The following FARS2 variants were observed in gnomAD, a reference collection of about 807,000 sequenced individuals.
FARS2 encodes the protein phenylalanyl-tRNA synthetase 2, mitochondrial, also known as phenylalanine--tRNA ligase, mitochondrial.
In FARS2, 40 loss-of-function variants were observed where a neutral mutation model predicts 46.4. The observed-to-expected ratio is 0.86, with a 90% CI of 0.67 to 1.12. The LOEUF is 1.12. Ranked by LOEUF, FARS2 falls within the 50% of genes most tolerant of loss-of-function variation. The pLI is 0.00. For synonymous variants in FARS2, 234 were observed against 214.9 expected (o/e 1.09, Z -0.78); for missense variants, 513 against 567.9 (o/e 0.90, Z 0.98).
intron 4 of FARS2, chr6:5,466,912 C>G (rs1765546246): frequency 1.0e-6 from 1 of 985,302 alleles, no homozygotes; most frequent in Non-Finnish European, 1.2e-6. Context: ...GCACCTCGGC[C>G]TTATGCTGCA....
At chr6:5,270,889 C>G (rs923196507) in intron 1 of FARS2, among the ~76,000 whole-genome samples, 3 of 152,218 alleles carry the variant, frequency 2.0e-5, no homozygotes. Flanking sequence ...GAGTGCCCTT[C>G]CTTCCCTTGC....
chr6:5,324,287 C>T (rs966564114), intron 1 of FARS2, among the ~76,000 whole-genome samples: 13 of 152,078 alleles, frequency 8.5e-5, no homozygotes, highest in African/African-American at 3.1e-4. Context: ...ATGCATTTCA[C>T]CTGCTTGAAA....
intron 4 of FARS2, among the ~76,000 whole-genome samples, chr6:5,474,512 C>T (rs1765996682): frequency 6.6e-6 from 1 of 152,170 alleles, no homozygotes; most frequent in Non-Finnish European, 1.5e-5. Context: ...GCCTACTACA[C>T]ACCTAGGCTG....
intron 6 of FARS2, among the ~76,000 whole-genome samples, chr6:5,686,684 A>G (rs1757254474): frequency 6.6e-6 from 1 of 152,180 alleles, no homozygotes; most frequent in South Asian, 2.1e-4. Flanking sequence ...TGTCTTTATA[A>G]CAGCATGTTT....
rs2127878590 is a variant in FARS2, at chr6:5,286,113, C to A, written c.-22+24453C>A. On this transcript the variant is annotated intron_variant, in intron 1 of 6. Coordinates refer to ENST00000274680, the MANE Select transcript of FARS2 (RefSeq NM_006567.5). The stretch of plus-strand genomic sequence containing the variant: ...TACTTGATTTCCAGACACTTTAATT[C>A]ATAGGCTTGCATTTAGTACACTCTA... Among the ~76,000 whole-genome samples, 2 of 152,242 alleles carry A rather than the reference C, an allele frequency of 1.3e-5. 1 individual carries two copies. The highest frequency in any genetic ancestry group is 6.8e-3 in the Middle Eastern group (2 of 294).
At chr6:5,442,546 T>C (rs184188610) in intron 4 of FARS2, among the ~76,000 whole-genome samples, 163 of 152,316 alleles carry the variant, frequency 1.1e-3, no homozygotes, top group African/African-American at 3.8e-3. Context: ...ATAACCCTTT[T>C]GCTTGTCATG....
At chr6:5,265,539 C>T (rs570872730) in intron 1 of FARS2, among the ~76,000 whole-genome samples, 20 of 152,176 alleles carry the variant, frequency 1.3e-4, no homozygotes, top group Non-Finnish European at 2.6e-4. Flanking sequence ...CAAATCATGA[C>T]TTTGAATCCT....
At chr6:5,487,980 T>C (rs1017818136) in intron 4 of FARS2, among the ~76,000 whole-genome samples, 1 of 152,220 alleles carries the variant, frequency 6.6e-6, no homozygotes, top group Non-Finnish European at 1.5e-5. Flanking sequence ...CTCTGGGGCT[T>C]ATTCTGGAGA....
At chr6:5,314,727 G>A (rs1360038871) in intron 1 of FARS2, among the ~76,000 whole-genome samples, 1 of 152,166 alleles carries the variant, frequency 6.6e-6, no homozygotes, top group South Asian at 2.1e-4. Flanking sequence ...GGTCCTCGTC[G>A]ATATGGGGTT....
intron 6 of FARS2, among the ~76,000 whole-genome samples, chr6:5,756,516 G>A (rs539096213): frequency 6.6e-6 from 1 of 152,256 alleles, no homozygotes; most frequent in South Asian, 2.1e-4. Flanking sequence ...GAGAGAGCGA[G>A]GGGGAAGCAC....
At chr6:5,491,701 T>C (rs376553822) in intron 4 of FARS2, among the ~76,000 whole-genome samples, 4 of 152,352 alleles carry the variant, frequency 2.6e-5, no homozygotes, top group East Asian at 3.9e-4. Context: ...TTATAGTCAT[T>C]GCTAATTTTT....
At chr6:5,383,680 TTGTG>T (rs1383079771) in intron 2 of FARS2, among the ~76,000 whole-genome samples, 2 of 152,198 alleles carry the variant, frequency 1.3e-5, no homozygotes, top group Non-Finnish European at 1.5e-5. Flanking sequence ...TCTCCTCCTT[TTGTG>T]TTAAGTGTTG....
chr6:5,702,504 A>C lies in FARS2; in HGVS notation c.1218-68787A>C, dbSNP rs1258731553. Reference sequence around the variant, plus strand: ...TCTTGGATAATTAAAATGTTTTTCTAATGGGTTGTAATCCATAATGTTTCT... The same window carrying C: ...TCTTGGATAATTAAAATGTTTTTCTCATGGGTTGTAATCCATAATGTTTCT... On this transcript the variant is annotated intron_variant, in intron 6 of 6. Coordinates refer to ENST00000274680, the MANE Select transcript of FARS2 (RefSeq NM_006567.5). Among the ~76,000 whole-genome samples, 3 of 152,340 alleles carry C rather than the reference A, an allele frequency of 2.0e-5. No individual in the cohort carries two copies. The East Asian group carries it at 5.8e-4, about 29-fold the overall frequency.
Position 5,432,464 on chromosome 6 carries a change from A to T in FARS2, c.904+1292A>T, listed in dbSNP as rs1187806211. 2.5e-3 allele frequency among the ~76,000 whole-genome samples: 319 copies of T among 127,880 alleles called. 4 individuals are homozygous for T. Among genetic ancestry groups the T allele is most frequent in the African/African-American group, 9.3e-3 (311 of 33,562 alleles). 83.9% of individuals were successfully genotyped at this position (127,880 alleles called of 152,430 possible). ...ATATATAAAATATATATTATATATTATATATATTTTTTATATATAATATAT... is the reference window on the plus strand; with the variant it reads ...ATATATAAAATATATATTATATATTTTATATATTTTTTATATATAATATAT... On this transcript the variant is annotated intron_variant, in intron 4 of 6. Coordinates refer to ENST00000274680, the MANE Select transcript of FARS2 (RefSeq NM_006567.5).
intron 1 of FARS2, among the ~76,000 whole-genome samples, chr6:5,356,770 C>T (rs976306791): frequency 2.6e-5 from 4 of 152,222 alleles, no homozygotes; most frequent in African/African-American, 4.8e-5. Context: ...CAGCGCTTCA[C>T]TGTTTGCTAA....
chr6:5,545,839 A>T (rs1395712272), intron 5 of FARS2, among the ~76,000 whole-genome samples: 1 of 152,172 alleles, frequency 6.6e-6, no homozygotes, highest in African/African-American at 2.4e-5. Flanking sequence ...ATTTGTAAAG[A>T]AGTTCTGGCC....
chr6:5,514,179 A>G (rs528080478), intron 4 of FARS2, among the ~76,000 whole-genome samples: 3 of 152,130 alleles, frequency 2.0e-5, no homozygotes, highest in Non-Finnish European at 4.4e-5. Context: ...TTACAGATTC[A>G]CAAATATGCA....
chr6:5,385,644 T>C (rs1037275502), intron 2 of FARS2, among the ~76,000 whole-genome samples: 1 of 152,158 alleles, frequency 6.6e-6, no homozygotes, highest in African/African-American at 2.4e-5. Context: ...CAGGATGGTC[T>C]TGGTCTCTTG....
At chr6:5,714,098 C>T (rs151319057) in intron 6 of FARS2, among the ~76,000 whole-genome samples, 280 of 152,210 alleles carry the variant, frequency 1.8e-3, no homozygotes, top group African/African-American at 6.0e-3. Flanking sequence ...GCGCGTGTGT[C>T]GAGCTTTGCT....
Sources: allele counts gnomAD v4.1 joint callset (sites outside exome capture counted in the v4.1 genomes callset), GRCh38; gene constraint gnomAD v4.1.1; transcripts MANE v1.5; gene names NCBI Gene and HGNC (gene_info 2026-07-23, HGNC 2026-07-21).